The following IFT74 variants were observed in gnomAD, a reference collection of about 807,000 sequenced individuals.
The protein encoded by IFT74 is intraflagellar transport 74.
A neutral mutation model predicts 96.7 loss-of-function variants in IFT74; 92 were observed. The observed-to-expected ratio is 0.95, with a 90% confidence interval of 0.80 to 1.13. IFT74 has a LOEUF of 1.13. Among genes scored for constraint, IFT74 ranks in the 50% most tolerant of loss-of-function variants. The probability of loss-of-function intolerance (pLI) is 0.00; values close to 1 mark genes in which losing one functional copy is unlikely to be tolerated. For missense variants in IFT74, 811 were observed against 698.2 expected (o/e 1.16, Z -1.82); for synonymous variants, 223 against 213.2 (o/e 1.05, Z -0.40).
chr9:26,982,177 T>C (rs1013940989), intron 4 of IFT74: 3 of 219,766 alleles, frequency 1.4e-5, no homozygotes, highest in Non-Finnish European at 2.8e-5. Context: ...TGTATACTTA[T>C]TTATGTTATA....
At chr9:26,956,866 G>A (rs1370669357) in intron 1 of IFT74, among the ~76,000 whole-genome samples, 1 of 152,260 alleles carries the variant, frequency 6.6e-6, no homozygotes, top group Non-Finnish European at 1.5e-5. Context: ...CGGGCAGTTA[G>A]CAACTTTCCA....
At chr9:26,954,169 G>A (rs1273415621), upstream of IFT74, among the ~76,000 whole-genome samples, 1 of 152,228 alleles carries the variant, frequency 6.6e-6, no homozygotes, top group African/African-American at 2.4e-5. Context: ...ATAACTGCAA[G>A]TTATAATGAG....
chr9:26,995,354 C>T (rs1828087630), intron 8 of IFT74: 1 of 542,490 alleles, frequency 1.8e-6, no homozygotes, highest in Non-Finnish European at 3.3e-6. Context: ...TGTATTTGAA[C>T]CTGCTTGCTC....
intron 10 of IFT74, among the ~76,000 whole-genome samples, chr9:27,013,502 T>G (rs1829209274): frequency 6.6e-6 from 1 of 152,214 alleles, no homozygotes; most frequent in African/African-American, 2.4e-5. Flanking sequence ...AAAAGGTTGT[T>G]CCAACTTTTA....
chr9:26,988,671 G>A lies in IFT74; in HGVS notation c.468G>A (p.Leu156=). ...LQGQLADYNM[L]VDKLNTNTEM... is the part of the protein sequence containing the mutation. ...TTTGTTTGTATTTTTGTTTTTAGTT[G>A]GTAGATAAACTTAATACCAACACTG... The change falls in exon 7 of 20, where the codon TTG becomes TTA. Residue 156 remains leucine, a splice_region_variant and synonymous_variant. Coordinates refer to ENST00000380062, the MANE Select transcript of IFT74 (RefSeq NM_025103.4). 1.9e-6 allele frequency: 3 copies of A among 1,543,748 alleles called. No individual in the cohort carries two copies. Among genetic ancestry groups the A allele is most frequent in the Non-Finnish European group, 2.6e-6 (3 of 1,132,422 alleles).
At chr9:26,995,341 T>TAC (rs1285278649) in intron 8 of IFT74, 1 of 523,150 alleles carries the variant, frequency 1.9e-6, no homozygotes, top group Admixed American at 3.3e-5. Context: ...GAGTGTCAGT[T>TAC]ACTGTATTTG....
intron 2 of IFT74, among the ~76,000 whole-genome samples, chr9:26,971,485 T>C (rs1186435671): frequency 2.0e-5 from 3 of 152,180 alleles, no homozygotes; most frequent in African/African-American, 7.2e-5. Flanking sequence ...TCTGGTAATA[T>C]CCATTTTCCT....
intron 6 of IFT74, 101 bp from the exon 7 acceptor site, chr9:26,988,568 T>C: frequency 9.3e-7 from 1 of 1,078,462 alleles, no homozygotes; most frequent in East Asian, 2.9e-5. Context: ...CTTAAGTTAC[T>C]ACTCATTATT....
intron 2 of IFT74, among the ~76,000 whole-genome samples, chr9:26,969,229 T>C (rs571204374): frequency 6.6e-6 from 1 of 152,268 alleles, no homozygotes; most frequent in African/African-American, 2.4e-5. Flanking sequence ...CCTCTTGTTA[T>C]CAATTTGTGG....
At chr9:27,034,133 C>T (rs1043894891) in intron 13 of IFT74, among the ~76,000 whole-genome samples, 1 of 152,154 alleles carries the variant, frequency 6.6e-6, no homozygotes, top group African/African-American at 2.4e-5. Context: ...GGCATTATTA[C>T]TCACCAAAAA....
intron 8 of IFT74, among the ~76,000 whole-genome samples, chr9:27,008,075 G>A (rs548188494): frequency 1.4e-4 from 22 of 152,220 alleles, no homozygotes; most frequent in African/African-American, 4.1e-4. Flanking sequence ...TGTTTATTGT[G>A]TTTTTAGAGA....
chr9:26,985,815 T>G (rs201162112), intron 6 of IFT74, among the ~76,000 whole-genome samples: 1 of 152,220 alleles, frequency 6.6e-6, no homozygotes, highest in East Asian at 1.9e-4. Context: ...TTATCAAGTG[T>G]TGTCATCTTG....
chr9:26,955,493 C>T (rs1348859404), upstream of IFT74, among the ~76,000 whole-genome samples: 1 of 152,122 alleles, frequency 6.6e-6, no homozygotes, highest in Non-Finnish European at 1.5e-5. Flanking sequence ...GTATCTGTCA[C>T]TTTCAGTTCC....
At chr9:27,021,441 T>G (rs888363391) in intron 12 of IFT74, among the ~76,000 whole-genome samples, 2 of 152,198 alleles carry the variant, frequency 1.3e-5, no homozygotes, top group African/African-American at 4.8e-5. Flanking sequence ...CTACTTTATA[T>G]TTCCACAAGC....
chr9:27,038,088 T>C lies in IFT74; in HGVS notation c.1055-6654T>C, dbSNP rs116477068. Among the ~76,000 whole-genome samples the C allele has an allele frequency of 9.6e-3, 1,465 of 152,308 alleles. 17 individuals are homozygous for C. The highest frequency in any genetic ancestry group is 0.033 in the African/African-American group (1,378 of 41,574). ...GATGCTAACCTTGACTACAGTGTCA[T>C]GGATTTATGGAAGAGCTTTACAATT... On this transcript the variant is annotated intron_variant, in intron 13 of 19. Coordinates refer to ENST00000380062, the MANE Select transcript of IFT74 (RefSeq NM_025103.4).
chr9:27,048,102 C>T (rs1449738032), intron 15 of IFT74, 46 bp from the exon 16 acceptor site: 3 of 1,414,764 alleles, frequency 2.1e-6, no homozygotes, highest in Non-Finnish European at 9.7e-7. Context: ...TGAGAACTAA[C>T]TAAATCAGTG....
Position 27,033,693 on chromosome 9 carries a change from T to G in IFT74, c.1054+4589T>G, listed in dbSNP as rs1237722589. 1.3e-4 allele frequency among the ~76,000 whole-genome samples: 20 copies of G among 152,162 alleles called. 1 individual carries two copies. The highest frequency in any genetic ancestry group is 1.3e-3 in the Admixed American group (20 of 15,280). ...TGTATCCACATTGATATTTAGGCTG[T>G]TTCTAATTTTTTACTCCCAAGAACA... On this transcript the variant is annotated intron_variant, in intron 13 of 19. Transcript: ENST00000380062.
intron 2 of IFT74, among the ~76,000 whole-genome samples, chr9:26,964,912 A>G (rs1826540987): frequency 6.6e-6 from 1 of 152,154 alleles, no homozygotes; most frequent in South Asian, 2.1e-4. Flanking sequence ...AATAAGAGAA[A>G]CACATCATAT....
chr9:27,048,991 C>G (rs1361973684), intron 16 of IFT74, among the ~76,000 whole-genome samples: 1 of 152,070 alleles, frequency 6.6e-6, no homozygotes, highest in Non-Finnish European at 1.5e-5. Context: ...GTGAATGGCT[C>G]AGTGTCATCC....
Sources: allele counts gnomAD v4.1 joint callset (sites outside exome capture counted in the v4.1 genomes callset), GRCh38; gene constraint gnomAD v4.1.1; transcripts MANE v1.5; gene names NCBI Gene and HGNC (gene_info 2026-07-23, HGNC 2026-07-21).